The following SLC22A23 variants were observed in gnomAD, a reference collection of about 807,000 sequenced individuals.
SLC22A23 encodes the protein solute carrier family 22 member 23.
SLC22A23 carries 26 observed loss-of-function variants against 61.0 expected under a neutral mutation model. The ratio of observed to expected loss-of-function variants is 0.43; its 90% confidence interval spans 0.31 to 0.59. SLC22A23 has a LOEUF of 0.59. Among genes scored for constraint, SLC22A23 ranks in the 20% least tolerant of loss-of-function variants. The pLI is 0.11. For synonymous variants in SLC22A23, 430 were observed against 413.9 expected (o/e 1.04, Z -0.47); for missense variants, 796 against 934.7 (o/e 0.85, Z 1.94).
chr6:3,355,009 T>C (rs1378390567), intron 3 of SLC22A23, among the ~76,000 whole-genome samples: 1 of 152,092 alleles, frequency 6.6e-6, no homozygotes, highest in Non-Finnish European at 1.5e-5. Flanking sequence ...CTCTTTCCTT[T>C]AAACAGGCAA....
intron 7 of SLC22A23, 57 bp from the exon 8 acceptor site, chr6:3,285,168 G>A: frequency 6.2e-7 from 1 of 1,606,326 alleles, no homozygotes; most frequent in Non-Finnish European, 8.5e-7. Context: ...AGCGAGAAGA[G>A]AGAAGAGAGC....
chr6:3,350,006 G>A (rs1581730287), intron 3 of SLC22A23, among the ~76,000 whole-genome samples: 1 of 152,278 alleles, frequency 6.6e-6, no homozygotes, highest in East Asian at 1.9e-4. Flanking sequence ...TGGTCTTTGT[G>A]TCCTTTGAAG....
chr6:3,274,602 G>A (rs574329442), intron 9 of SLC22A23, among the ~76,000 whole-genome samples: 1 of 152,206 alleles, frequency 6.6e-6, no homozygotes, highest in Admixed American at 6.5e-5. Flanking sequence ...CTAGTCTGTG[G>A]TTCTCTTGGT....
Position 3,410,446 on chromosome 6 carries a change from G to A in SLC22A23, c.759-104C>T, listed in dbSNP as rs1009767615. The A allele has an allele frequency of 4.8e-6, 6 of 1,244,410 alleles. No individual in the cohort carries two copies. Among genetic ancestry groups the A allele is most frequent in the African/African-American group, 4.6e-5 (3 of 65,256 alleles). The allele number at this position is 1,244,410 out of a possible 1,614,324, so 77.1% of individuals were successfully genotyped here. On this transcript the variant is annotated intron_variant, in intron 2 of 9. Transcript: ENST00000406686. This position sits in a 1 kb window ranked among gnomAD's most constrained non-coding sequence, Gnocchi z 5.0. ...CAGGCACTCAATATATGTTGAATGA[G>A]TACTGGGTAAAAAGTCCTGTGCCAT...
At chr6:3,283,102 G>A (rs1759627384) in intron 9 of SLC22A23, among the ~76,000 whole-genome samples, 1 of 152,114 alleles carries the variant, frequency 6.6e-6, no homozygotes, top group Non-Finnish European at 1.5e-5. Flanking sequence ...TGCTCGCTTT[G>A]GATTCATGAC....
chr6:3,432,962 C>G (rs1770965204), intron 1 of SLC22A23, among the ~76,000 whole-genome samples: 1 of 152,200 alleles, frequency 6.6e-6, no homozygotes, highest in Admixed American at 6.5e-5. Flanking sequence ...TAATTCCCTT[C>G]CTTGGCTTGA....
rs139937567 is a variant in SLC22A23 at position 3,348,699 on chromosome 6, G to A, written c.914-24697C>T. Among the ~76,000 whole-genome samples, 414 of 152,234 alleles carry A rather than the reference G, an allele frequency of 2.7e-3. 2 individuals carry two copies. Among genetic ancestry groups the A allele is most frequent in the African/African-American group, 9.2e-3 (382 of 41,526 alleles). ...TGAGGCCAGATACTTCACCCCTAGC[G>A]GCTGCTCATTCAACCCAAGATCCAA... On this transcript the variant is annotated intron_variant, in intron 3 of 9. Transcript: ENST00000406686.
At chr6:3,352,738 C>T (rs929802030) in intron 3 of SLC22A23, among the ~76,000 whole-genome samples, 1 of 152,140 alleles carries the variant, frequency 6.6e-6, no homozygotes, top group African/African-American at 2.4e-5. Flanking sequence ...TAAATGGTGT[C>T]GCTTACAGGT....
At chr6:3,451,113 G>T (rs1772136718) in intron 1 of SLC22A23, among the ~76,000 whole-genome samples, 1 of 152,190 alleles carries the variant, frequency 6.6e-6, no homozygotes, top group Admixed American at 6.5e-5. Context: ...ATTGATTATT[G>T]GCAAAAGTTC....
At chr6:3,452,105 C>T (rs1376145075) in intron 1 of SLC22A23, among the ~76,000 whole-genome samples, 2 of 152,160 alleles carry the variant, frequency 1.3e-5, no homozygotes, top group Non-Finnish European at 1.5e-5. Context: ...CTGAGGTAGG[C>T]TGGGCTAAGC....
At chr6:3,296,700 C>G (rs1039423576) in intron 5 of SLC22A23, among the ~76,000 whole-genome samples, 1 of 152,130 alleles carries the variant, frequency 6.6e-6, no homozygotes, top group Admixed American at 6.5e-5. Flanking sequence ...AAGCTTCAGG[C>G]GTCCCTGGGT....
intron 3 of SLC22A23, among the ~76,000 whole-genome samples, chr6:3,359,597 G>A (rs746125720): frequency 4.6e-5 from 7 of 152,192 alleles, no homozygotes; most frequent in Non-Finnish European, 8.8e-5. Context: ...TACATTCCTG[G>A]TGGGAATGTA....
chr6:3,414,609 G>A lies in SLC22A23; in HGVS notation c.758+1143C>T, dbSNP rs542900498. Among the ~76,000 whole-genome samples the A allele has an allele frequency of 1.3e-5, 2 of 150,944 alleles. No homozygotes were observed. Among genetic ancestry groups the A allele is most frequent in the East Asian group, 3.9e-4 (2 of 5,124 alleles). ...TCTGCTGCTGTCCGCCCAGGCACTT[G>A]CCTTGGCCAGCATTCTCAGTTAACT... is the stretch of plus-strand genomic sequence containing the variant. On this transcript the variant is annotated intron_variant, in intron 2 of 9. Transcript: ENST00000406686. The surrounding 1 kb of genome is among the most constrained non-coding windows in gnomAD (Gnocchi z 5.1).
chr6:3,436,208 C>T (rs894712631), intron 1 of SLC22A23, among the ~76,000 whole-genome samples: 1 of 151,812 alleles, frequency 6.6e-6, no homozygotes, highest in Non-Finnish European at 1.5e-5. Flanking sequence ...GGTGTGATAT[C>T]GGCTCACTGC....
intron 1 of SLC22A23, among the ~76,000 whole-genome samples, chr6:3,452,049 G>C (rs553359616): frequency 7.2e-4 from 110 of 152,300 alleles, no homozygotes; most frequent in Non-Finnish European, 1.3e-3. Flanking sequence ...CTTTGTGTGA[G>C]ATGATTCTGC....
rs1206083140 is a variant in SLC22A23 at position 3,271,486 on chromosome 6, A to G, written c.*1569T>C. On this transcript the variant is annotated 3_prime_UTR_variant, in exon 10 of 10. Transcript: ENST00000406686. ...GGAAAGCCAGAAGGGGAGAAGGTCA[A>G]CCCCTTTTCTGCCCTGTGAATTCTA... 1 of 152,340 alleles carries G rather than the reference A, an allele frequency of 6.6e-6. No individual in the cohort carries two copies. The highest frequency in any genetic ancestry group is 1.5e-5 in the Non-Finnish European group (1 of 68,054). 9.4% of individuals were successfully genotyped at this position (152,340 alleles called of 1,614,324 possible).
chr6:3,362,416 ATAAAAT>A (rs367845791), intron 3 of SLC22A23, among the ~76,000 whole-genome samples: 43,546 of 112,872 alleles, frequency 0.39, 14,506 homozygotes, highest in East Asian at 0.55. Flanking sequence ...AAAAAAAAAA[ATAAAAT>A]AAAAAATAAA....
Position 3,456,311 on chromosome 6 carries a change from C to G in SLC22A23, c.249G>C (p.Ser83=). The change falls in exon 1 of 10, where the codon TCG becomes TCC. Residue 83 remains serine (S), a synonymous_variant. Coordinates refer to ENST00000406686, the MANE Select transcript of SLC22A23 (RefSeq NM_015482.2). The surrounding 1 kb of genome is among the most constrained non-coding windows in gnomAD (Gnocchi z 7.1). ...PSLLLLDYDG[S]VLPFLGGLGG... Reference sequence around the variant, plus strand: ...CCAGGCCCCCGAGGAAGGGCAGCACCGACCCGTCATAGTCCAGCAACAAGA... The same window carrying G: ...CCAGGCCCCCGAGGAAGGGCAGCACGGACCCGTCATAGTCCAGCAACAAGA... 1 of 1,550,692 alleles carries G rather than the reference C, an allele frequency of 6.4e-7. No individual in the cohort carries two copies.
intron 5 of SLC22A23, among the ~76,000 whole-genome samples, chr6:3,295,271 T>C (rs374636796): frequency 1.0e-3 from 158 of 151,070 alleles, no homozygotes; most frequent in African/African-American, 3.6e-3. Flanking sequence ...AACTGGGGGC[T>C]GACTTGGTCT....
Sources: allele counts gnomAD v4.1 joint callset (sites outside exome capture counted in the v4.1 genomes callset), GRCh38; gene constraint gnomAD v4.1.1; non-coding constraint Gnocchi (gnomAD v3.1); transcripts MANE v1.5; gene names NCBI Gene and HGNC (gene_info 2026-07-23, HGNC 2026-07-21).